Variants in CECR2 observed in about 807,000 individuals in gnomAD.
CECR2 encodes the protein CECR2 histone acetyl-lysine reader.
In CECR2, 30 loss-of-function variants were observed where a neutral mutation model predicts 154.5. The observed-to-expected ratio is 0.19, with a 90% CI of 0.15 to 0.26. CECR2 has a LOEUF of 0.26. CECR2 is among the 10% of genes least tolerant of loss of function. The pLI is 1.00. For synonymous variants in CECR2, 725 were observed against 683.7 expected, an observed-to-expected ratio of 1.06 and a Z score of -0.94; for missense variants, 1,743 against 1,829.3, an observed-to-expected ratio of 0.95 and a Z score of 0.86.
chr22:17,404,127 T>C (rs1448308419), intron 1 of CECR2, among the ~76,000 whole-genome samples: 2 of 151,326 alleles, frequency 1.3e-5, no homozygotes, highest in African/African-American at 4.8e-5. Flanking sequence ...GGCGTCATGT[T>C]GCACGTCTGT....
At position 17,400,196 on chromosome 22, in the gene CECR2, A is replaced by G. The variant is rs544492400; in HGVS notation, c.126+30287A>G. On this transcript the variant is annotated intron_variant, in intron 1 of 18. Transcript: ENST00000262608. ...AGGAATTGGGTAATATGTTTTATAT[A>G]TAAGTGTTTTATTTACATTATATTT... 5.3e-5 allele frequency among the ~76,000 whole-genome samples: 8 copies of G among 152,334 alleles called. No homozygotes were observed. In the South Asian group the frequency reaches 1.7e-3, roughly 32 times the overall value.
chr22:17,540,541 G>A lies in CECR2; in HGVS notation c.1625G>A (p.Arg542Gln), dbSNP rs1245571259. 6 of 1,612,364 alleles carry A rather than the reference G, an allele frequency of 3.7e-6. No individual in the cohort carries two copies. The highest frequency in any genetic ancestry group is 5.1e-6 in the Non-Finnish European group (6 of 1,178,978). The change falls in exon 14 of 19, where the codon CGG becomes CAG. Residue 542 changes from arginine (R) to glutamine (Q), a missense_variant. This residue lies in a region of CECR2 where 103 missense variants were observed against 166.8 expected (regional missense o/e 0.62). Transcript: ENST00000262608. ...GAGGATGAAAAGCGGGAGAAAAGAC[G>A]GAGTCGGGCTGGGCGAAGTGGTGGG... Reference protein sequence around the residue: ...IREDEKREKRRSRAGRSGGSH... With the variant: ...IREDEKREKRQSRAGRSGGSH...
intron 1 of CECR2, among the ~76,000 whole-genome samples, chr22:17,391,100 A>G (rs1398197756): frequency 2.6e-5 from 4 of 152,236 alleles, no homozygotes; most frequent in Non-Finnish European, 5.9e-5. Context: ...ATAGTTTCAC[A>G]TGTACATGTA....
At chr22:17,539,735 C>A (rs1238384304) in intron 13 of CECR2, among the ~76,000 whole-genome samples, 1 of 152,066 alleles carries the variant, frequency 6.6e-6, no homozygotes, top group African/African-American at 2.4e-5. Flanking sequence ...TATGCATTAA[C>A]TAAAAATGCC....
chr22:17,382,111 T>G (rs5992039), intron 1 of CECR2, among the ~76,000 whole-genome samples: 35 of 151,742 alleles, frequency 2.3e-4, no homozygotes, highest in Non-Finnish European at 5.0e-4. Context: ...AGGATGGTCT[T>G]GATCTCCTGA....
At chr22:17,551,547 A>C (rs1268375153) in intron 17 of CECR2, among the ~76,000 whole-genome samples, 1 of 152,152 alleles carries the variant, frequency 6.6e-6, no homozygotes, top group Non-Finnish European at 1.5e-5. Flanking sequence ...GCAGTGGTTC[A>C]TACCTATAAT....
chr22:17,457,779 C>T (rs2054876689), intron 1 of CECR2, among the ~76,000 whole-genome samples: 1 of 152,248 alleles, frequency 6.6e-6, no homozygotes, highest in Non-Finnish European at 1.5e-5. Context: ...GAATGCTTAA[C>T]AAAAGCATGG....
At chr22:17,360,270 C>T (rs1196661240) in intron 1 of CECR2, among the ~76,000 whole-genome samples, 2 of 152,198 alleles carry the variant, frequency 1.3e-5, no homozygotes, top group African/African-American at 2.4e-5. Context: ...ATGCTGTTAC[C>T]GGAGGATCCC....
chr22:17,451,827 A>G (rs1395354990), intron 1 of CECR2, among the ~76,000 whole-genome samples: 2 of 152,238 alleles, frequency 1.3e-5, no homozygotes, highest in African/African-American at 2.4e-5. Context: ...TATGAACTCC[A>G]TGGCATTCCA....
At chr22:17,507,236 A>G (rs1436871899) in intron 7 of CECR2, among the ~76,000 whole-genome samples, 1 of 152,216 alleles carries the variant, frequency 6.6e-6, no homozygotes. Flanking sequence ...ACCTTTCTCT[A>G]ATAACGGGAA....
chr22:17,457,805 G>C (rs1233662238), intron 1 of CECR2, among the ~76,000 whole-genome samples: 2 of 152,192 alleles, frequency 1.3e-5, no homozygotes, highest in Non-Finnish European at 2.9e-5. Context: ...CCATTCCATA[G>C]ACTACTCCTC....
intron 17 of CECR2, among the ~76,000 whole-genome samples, chr22:17,551,431 T>G (rs559328615): frequency 5.4e-4 from 82 of 152,346 alleles, no homozygotes; most frequent in Non-Finnish European, 1.0e-3. Context: ...TGTCATATCT[T>G]TGTTTTGTTT....
At chr22:17,527,904 C>G (rs1486042430) in intron 9 of CECR2, among the ~76,000 whole-genome samples, 1 of 152,006 alleles carries the variant, frequency 6.6e-6, no homozygotes, top group Non-Finnish European at 1.5e-5. Context: ...AAAGGACAGG[C>G]AATAACAAAT....
At chr22:17,406,860 A>G (rs1569061353) in intron 1 of CECR2, among the ~76,000 whole-genome samples, 1 of 152,210 alleles carries the variant, frequency 6.6e-6, no homozygotes, top group Non-Finnish European at 1.5e-5. Flanking sequence ...CATACACAGA[A>G]CTAATTAAAT....
chr22:17,468,993 T>C (rs908169704), intron 1 of CECR2, among the ~76,000 whole-genome samples: 24 of 152,020 alleles, frequency 1.6e-4, no homozygotes, highest in Non-Finnish European at 2.5e-4. Flanking sequence ...GAAATCACTT[T>C]CTTGATAACT....
chr22:17,402,437 A>T (rs1049287256), intron 1 of CECR2, among the ~76,000 whole-genome samples: 4 of 152,208 alleles, frequency 2.6e-5, no homozygotes, highest in Non-Finnish European at 5.9e-5. Flanking sequence ...TTTACACCAA[A>T]TGGTCTTTCT....
chr22:17,472,963 C>G (rs1285281890), intron 1 of CECR2, among the ~76,000 whole-genome samples: 3 of 152,122 alleles, frequency 2.0e-5, no homozygotes, highest in Non-Finnish European at 2.9e-5. Flanking sequence ...GTTTCTTCTG[C>G]TTGTTCCCGC....
At chr22:17,412,715 C>G (rs539579584) in intron 1 of CECR2, among the ~76,000 whole-genome samples, 22 of 152,244 alleles carry the variant, frequency 1.4e-4, no homozygotes, top group South Asian at 1.2e-3. Context: ...CTCTTTGAAG[C>G]CATTCTTGAG....
intron 1 of CECR2, among the ~76,000 whole-genome samples, chr22:17,395,700 C>T (rs1251024241): frequency 2.6e-5 from 4 of 152,036 alleles, no homozygotes; most frequent in African/African-American, 4.8e-5. Flanking sequence ...TTATCCTGTA[C>T]GACCACTTAA....
Sources: allele counts gnomAD v4.1 joint callset (sites outside exome capture counted in the v4.1 genomes callset), GRCh38; gene constraint gnomAD v4.1.1; regional missense constraint gnomAD v4.1.1; transcripts MANE v1.5; gene names NCBI Gene and HGNC (gene_info 2026-07-23, HGNC 2026-07-21).